The following IGF1R variants were observed in gnomAD, a reference collection of about 807,000 sequenced individuals.
The protein encoded by IGF1R is insulin-like growth factor 1 receptor.
A neutral mutation model predicts 144.6 loss-of-function variants in IGF1R; 44 were observed. That is an observed-to-expected ratio of 0.30 (90% CI 0.24 to 0.39). The LOEUF is 0.39. Ranked by LOEUF, IGF1R falls within the 10% of genes least tolerant of loss-of-function variation. The probability of loss-of-function intolerance (pLI) is 1.00; values close to 1 mark genes in which losing one functional copy is unlikely to be tolerated. For synonymous variants in IGF1R, 795 were observed against 722.8 expected (o/e 1.10, Z -1.60); for missense variants, 1,355 against 1,833.7 (o/e 0.74, Z 4.77).
intron 2 of IGF1R, among the ~76,000 whole-genome samples, chr15:98,841,582 C>T (rs369182564): frequency 5.3e-4 from 80 of 152,274 alleles, no homozygotes; most frequent in African/African-American, 1.9e-3. Context: ...TCCTTGCCTG[C>T]CCCAGGGAGG....
chr15:98,881,763 G>A (rs1339931952), intron 2 of IGF1R, among the ~76,000 whole-genome samples: 3 of 152,202 alleles, frequency 2.0e-5, no homozygotes, highest in Admixed American at 6.5e-5. Flanking sequence ...TGCTCTTGGT[G>A]TGAACATTTG....
At chr15:98,907,376 A>AT (rs2014783435) in intron 5 of IGF1R, among the ~76,000 whole-genome samples, 1 of 152,232 alleles carries the variant, frequency 6.6e-6, no homozygotes. Flanking sequence ...CCTCCAGGGC[A>AT]GACGAAGCCT....
intron 2 of IGF1R, among the ~76,000 whole-genome samples, chr15:98,729,806 G>C (rs1473645043): frequency 6.6e-6 from 1 of 152,166 alleles, no homozygotes; most frequent in Admixed American, 6.5e-5. Flanking sequence ...GGCACGATGT[G>C]TGTGAGTGTG....
chr15:98,682,807 A>G (rs564936663), intron 1 of IGF1R, among the ~76,000 whole-genome samples: 24 of 151,998 alleles, frequency 1.6e-4, no homozygotes, highest in African/African-American at 5.8e-4. Flanking sequence ...CTGCCTCCCA[A>G]AGTGCTAGGA....
intron 1 of IGF1R, among the ~76,000 whole-genome samples, chr15:98,674,830 A>G (rs1298924769): frequency 6.6e-6 from 1 of 152,064 alleles, no homozygotes; most frequent in East Asian, 1.9e-4. Context: ...CTATATATTT[A>G]AAAAAATGAA....
At position 98,710,228 on chromosome 15, in the gene IGF1R, A is replaced by G. The variant is rs531508650; in HGVS notation, c.640+2121A>G. The stretch of plus-strand genomic sequence containing the variant: ...ACGCCCTGCAGCCTTCTCCTTGACC[A>G]TCCCAGCCCTGCTGATGTTCCTTGT... On this transcript the variant is annotated intron_variant, in intron 2 of 20. Coordinates refer to ENST00000650285, the MANE Select transcript of IGF1R (RefSeq NM_000875.5). Among the ~76,000 whole-genome samples the G allele has an allele frequency of 6.6e-5, 10 of 152,284 alleles. No homozygotes were observed. The South Asian group carries it at 1.0e-3, about 16-fold the overall frequency.
intron 2 of IGF1R, among the ~76,000 whole-genome samples, chr15:98,756,745 C>T (rs2047273339): frequency 1.3e-5 from 2 of 152,102 alleles, no homozygotes; most frequent in African/African-American, 4.8e-5. Flanking sequence ...GCATTTAAGG[C>T]TATACATTTT....
chr15:98,941,662 C>T (rs193158504), intron 18 of IGF1R, among the ~76,000 whole-genome samples: 2 of 152,322 alleles, frequency 1.3e-5, no homozygotes, highest in South Asian at 2.1e-4. Context: ...CAATGCCCAG[C>T]GTCTCATGGA....
At chr15:98,752,385 G>A (rs915092812) in intron 2 of IGF1R, among the ~76,000 whole-genome samples, 2 of 152,114 alleles carry the variant, frequency 1.3e-5, no homozygotes, top group African/African-American at 2.4e-5. Context: ...GTTTATTAAC[G>A]AAAATATGTG....
At chr15:98,884,073 C>T (rs138714154) in intron 2 of IGF1R, among the ~76,000 whole-genome samples, 46 of 152,252 alleles carry the variant, frequency 3.0e-4, no homozygotes, top group Non-Finnish European at 3.2e-4. Context: ...GTAATCCCCT[C>T]GAGCACATTT....
intron 2 of IGF1R, among the ~76,000 whole-genome samples, chr15:98,806,488 T>TA (rs1205165223): frequency 0.034 from 4,968 of 144,080 alleles, 247 homozygotes; most frequent in African/African-American, 0.11. Flanking sequence ...ATTTCTTGAT[T>TA]AAAAAAAAAA....
intron 2 of IGF1R, among the ~76,000 whole-genome samples, chr15:98,832,639 A>G (rs1840581643): frequency 6.6e-6 from 1 of 152,186 alleles, no homozygotes. Flanking sequence ...GTTTTTTTCT[A>G]GAAAAACAAA....
At chr15:98,791,895 G>A (rs1045828390) in intron 2 of IGF1R, among the ~76,000 whole-genome samples, 3 of 152,204 alleles carry the variant, frequency 2.0e-5, no homozygotes, top group African/African-American at 7.2e-5. Flanking sequence ...AATAGAAGAA[G>A]GAAGGAGAGA....
At chr15:98,672,658 C>T (rs1567068222) in intron 1 of IGF1R, among the ~76,000 whole-genome samples, 3 of 151,790 alleles carry the variant, frequency 2.0e-5, no homozygotes, top group Admixed American at 2.0e-4. Context: ...CTTCCGGTCT[C>T]ATTTGTGATG....
rs2016415750 is a variant in IGF1R at position 98,942,847 on chromosome 15, G to A, written c.3458-76G>A. On this transcript the variant is annotated intron_variant, in intron 18 of 20. Transcript: ENST00000650285. ...TGCCTTGCGTCTCTCCACACATAATGAGTGTAGGGTCCTCTGCTGTGACAG... is the reference window on the plus strand; with the variant it reads ...TGCCTTGCGTCTCTCCACACATAATAAGTGTAGGGTCCTCTGCTGTGACAG... 5.7e-6 allele frequency: 9 copies of A among 1,584,880 alleles called. No individual in the cohort carries two copies. In the Admixed American group the frequency reaches 1.2e-4, roughly 21 times the overall value.
intron 2 of IGF1R, among the ~76,000 whole-genome samples, chr15:98,735,080 G>A (rs2054581111): frequency 6.6e-6 from 1 of 152,170 alleles, no homozygotes; most frequent in Admixed American, 6.5e-5. Context: ...TCACCCACAA[G>A]TTCCGAAGCT....
chr15:98,899,463 C>G lies in IGF1R; in HGVS notation c.1103-14C>G. On this transcript the variant is annotated splice_polypyrimidine_tract_variant and intron_variant, in intron 4 of 20. Coordinates refer to ENST00000650285, the MANE Select transcript of IGF1R (RefSeq NM_000875.5). ...CAAGTGAGCACACAGTGACACAATCCCCTTTCAATGTAGATAACATTGCTT... is the reference window on the plus strand; with the variant it reads ...CAAGTGAGCACACAGTGACACAATCGCCTTTCAATGTAGATAACATTGCTT... 1 of 1,613,704 alleles carries G rather than the reference C, an allele frequency of 6.2e-7. No individual in the cohort carries two copies. The highest frequency in any genetic ancestry group is 8.5e-7 in the Non-Finnish European group (1 of 1,179,690).
At chr15:98,937,225 A>G (rs904518726) in intron 17 of IGF1R, among the ~76,000 whole-genome samples, 4 of 152,126 alleles carry the variant, frequency 2.6e-5, no homozygotes, top group Admixed American at 2.6e-4. Flanking sequence ...TGAAGGAGAA[A>G]AGCTTGATGA....
Position 98,846,347 on chromosome 15 carries a change from G to A in IGF1R, c.641-44978G>A, listed in dbSNP as rs559589814. The stretch of plus-strand genomic sequence containing the variant: ...AAGGTATCATTGGATGCATTGACCA[G>A]GATGAAGACACAACAGTATGGCCTT... On this transcript the variant is annotated intron_variant, in intron 2 of 20. Transcript: ENST00000650285. 2.6e-5 allele frequency among the ~76,000 whole-genome samples: 4 copies of A among 152,280 alleles called. No individual in the cohort carries two copies. In the South Asian group the frequency reaches 8.3e-4, roughly 32 times the overall value.
Sources: allele counts gnomAD v4.1 joint callset (sites outside exome capture counted in the v4.1 genomes callset), GRCh38; gene constraint gnomAD v4.1.1; transcripts MANE v1.5; gene names NCBI Gene and HGNC (gene_info 2026-07-23, HGNC 2026-07-21).